Variants in TCERG1 observed in about 807,000 individuals in gnomAD.
TCERG1 encodes transcription elongation regulator 1.
Under a neutral mutation model 144.7 loss-of-function variants are expected in TCERG1, and 37 were observed. That is an observed-to-expected ratio of 0.26 (90% CI 0.20 to 0.34). The LOEUF is 0.34. Among genes scored for constraint, TCERG1 ranks in the 10% least tolerant of loss-of-function variants. The pLI is 1.00. For missense variants in TCERG1, 1,027 were observed against 1,380.7 expected, an observed-to-expected ratio of 0.74 and a Z score of 4.06; for synonymous variants, 492 against 458.2, an observed-to-expected ratio of 1.07 and a Z score of -0.94.
In TCERG1 at chr5:146,459,099, GGCCCAGGCCCAAGCCCAA is replaced by G. The variant is rs1561639945; in HGVS notation, c.666_683del (p.Ala237_Gln242del). 5 of 1,525,308 alleles carry G rather than the reference GGCCCAGGCCCAAGCCCAA, an allele frequency of 3.3e-6. No homozygotes were observed. Among genetic ancestry groups the G allele is most frequent in the South Asian group, 1.1e-5 (1 of 89,388 alleles). 94.5% of individuals were successfully genotyped at this position (1,525,308 alleles called of 1,614,324 possible). A position where few individuals can be genotyped will look rare whatever the true frequency, so the allele number is the denominator to read the frequency against. On this transcript the variant is annotated inframe_deletion, in exon 4 of 23. Transcript: ENST00000679501. ...AGGCCCAGGCCCAGGCCCAGGCCCAGGCCCAGGCCCAAGCCCAAGCCCAGGCCCAGGCTCAGGCTCAGG... is the reference window on the plus strand; with the variant it reads ...AGGCCCAGGCCCAGGCCCAGGCCCAGGCCCAGGCCCAGGCTCAGGCTCAGG...
rs759218636 is a variant in TCERG1 at position 146,483,498 on chromosome 5, A to C, written c.2074-42A>C. On this transcript the variant is annotated intron_variant, in intron 14 of 22. Transcript: ENST00000679501. ...GCAAAATTATGACCTTTATATTTTT[A>C]GAGGAGACTTAATTATGAGGCAATA... The C allele has an allele frequency of 1.9e-6, 3 of 1,545,362 alleles. No homozygotes were observed. In the South Asian group the frequency reaches 3.4e-5, roughly 18 times the overall value.
At chr5:146,473,714 G>A (rs1764562273) in intron 9 of TCERG1, among the ~76,000 whole-genome samples, 1 of 152,186 alleles carries the variant, frequency 6.6e-6, no homozygotes, top group South Asian at 2.1e-4. Context: ...CTTTATAAAT[G>A]GAACAGCAGA....
chr5:146,450,216 A>C (rs1481202354), intron 1 of TCERG1, among the ~76,000 whole-genome samples: 1 of 152,228 alleles, frequency 6.6e-6, no homozygotes, highest in Non-Finnish European at 1.5e-5. Flanking sequence ...AATTAGGAAT[A>C]ATGATCCTGA....
chr5:146,469,429 C>T, intron 6 of TCERG1, 115 bp from the exon 7 acceptor site: 12 of 823,564 alleles, frequency 1.5e-5, no homozygotes, highest in South Asian at 2.7e-5. Context: ...TGTTTTGTTC[C>T]AACTGGTCCA....
intron 9 of TCERG1, among the ~76,000 whole-genome samples, chr5:146,478,253 G>T (rs1023089489): frequency 6.6e-6 from 1 of 152,082 alleles, no homozygotes; most frequent in Non-Finnish European, 1.5e-5. Context: ...TTTAATCTCT[G>T]ATCACAAATT....
chr5:146,469,500 G>A (rs2150379107), intron 6 of TCERG1, 44 bp from the exon 7 acceptor site: 1 of 1,469,182 alleles, frequency 6.8e-7, no homozygotes, highest in East Asian at 2.4e-5. Flanking sequence ...ATTTTGTATT[G>A]CGGTTTGATA....
chr5:146,459,415 C>A (rs1763152908), intron 4 of TCERG1, 78 bp downstream of exon 4: 1 of 1,535,150 alleles, frequency 6.5e-7, no homozygotes, highest in Admixed American at 2.1e-5. Flanking sequence ...CATATTGATC[C>A]CAGTGTTTCT....
chr5:146,510,665 G>T lies in TCERG1; in HGVS notation c.*23G>T, dbSNP rs1802027. ...TAATTCTAAATACTCTTCCATAGGGGCATCTATTCAAAATGCTTGCATGAG... is the reference window on the plus strand; with the variant it reads ...TAATTCTAAATACTCTTCCATAGGGTCATCTATTCAAAATGCTTGCATGAG... On this transcript the variant is annotated 3_prime_UTR_variant, in exon 23 of 23. Transcript: ENST00000679501. 6.3e-7 allele frequency: 1 copy of T among 1,595,998 alleles called. No homozygotes were observed. Among genetic ancestry groups the T allele is most frequent in the Non-Finnish European group, 8.5e-7 (1 of 1,170,436 alleles).
intron 1 of TCERG1, among the ~76,000 whole-genome samples, chr5:146,451,347 A>G (rs183112367): frequency 1.4e-3 from 202 of 148,500 alleles, no homozygotes; most frequent in African/African-American, 4.8e-3. Context: ...TTTTAAGACA[A>G]TGTCTTGCTC....
intron 15 of TCERG1, among the ~76,000 whole-genome samples, chr5:146,491,377 GGA>G (rs1766405500): frequency 6.6e-6 from 1 of 152,024 alleles, no homozygotes; most frequent in African/African-American, 2.4e-5. Flanking sequence ...TTTGCCCCCA[GGA>G]GACATTTTTG....
intron 12 of TCERG1, among the ~76,000 whole-genome samples, chr5:146,480,750 G>A (rs1204644829): frequency 6.6e-6 from 1 of 152,120 alleles, no homozygotes; most frequent in African/African-American, 2.4e-5. Context: ...GAAAAGGACA[G>A]ATTGAATGCA....
chr5:146,452,914 C>T (rs894289397), intron 1 of TCERG1, among the ~76,000 whole-genome samples: 6 of 152,136 alleles, frequency 3.9e-5, no homozygotes, highest in Non-Finnish European at 5.9e-5. Context: ...TAGTACTGAA[C>T]CAGTTGTGTG....
intron 1 of TCERG1, among the ~76,000 whole-genome samples, chr5:146,449,481 T>C (rs1383330320): frequency 3.9e-5 from 6 of 152,192 alleles, no homozygotes; most frequent in Non-Finnish European, 8.8e-5. Flanking sequence ...CACTGGGTAG[T>C]TGGCAGGGTC....
intron 22 of TCERG1, 73 bp downstream of exon 22, chr5:146,509,318 C>G: frequency 9.8e-7 from 1 of 1,015,936 alleles, no homozygotes; most frequent in Non-Finnish European, 1.5e-6. Context: ...TCAGAGCATT[C>G]TTTGCATTCA....
At chr5:146,501,714 G>C (rs1029484968) in intron 17 of TCERG1, among the ~76,000 whole-genome samples, 1 of 152,136 alleles carries the variant, frequency 6.6e-6, no homozygotes, top group South Asian at 2.1e-4. Context: ...TTCTTAATCA[G>C]TGTCTGGAAA....
chr5:146,484,370 C>A (rs890387683), intron 15 of TCERG1, among the ~76,000 whole-genome samples: 3 of 152,166 alleles, frequency 2.0e-5, no homozygotes, highest in Non-Finnish European at 4.4e-5. Flanking sequence ...CCTGAACTAT[C>A]CTGACACTGA....
intron 15 of TCERG1, among the ~76,000 whole-genome samples, chr5:146,487,765 G>A (rs1239642693): frequency 6.6e-6 from 1 of 150,680 alleles, no homozygotes; most frequent in Non-Finnish European, 1.5e-5. Context: ...AAATTTTTGT[G>A]AAACCAAAAA....
At chr5:146,468,568 AT>A (rs1420298560) in intron 6 of TCERG1, among the ~76,000 whole-genome samples, 165 bp downstream of exon 6, 1 of 152,138 alleles carries the variant, frequency 6.6e-6, no homozygotes. Context: ...CCAACACTTA[AT>A]TTTCCCAATT....
intron 3 of TCERG1, among the ~76,000 whole-genome samples, chr5:146,458,198 T>TG (rs1762999339): frequency 6.6e-6 from 1 of 151,906 alleles, no homozygotes; most frequent in Non-Finnish European, 1.5e-5. Context: ...ATTTTTGAGA[T>TG]GGAGTCTCGT....
Sources: allele counts gnomAD v4.1 joint callset (sites outside exome capture counted in the v4.1 genomes callset), GRCh38; gene constraint gnomAD v4.1.1; transcripts MANE v1.5; gene names NCBI Gene and HGNC (gene_info 2026-07-23, HGNC 2026-07-21).